Variants in NEIL3 observed in about 807,000 individuals in gnomAD.
NEIL3 encodes the protein nei like DNA glycosylase 3, also known as endonuclease 8-like 3.
In NEIL3, 48 loss-of-function variants were observed where a neutral mutation model predicts 57.5. The ratio of observed to expected loss-of-function variants is 0.83; its 90% CI spans 0.66 to 1.06. The LOEUF (loss-of-function observed/expected upper bound fraction) is 1.06. Among genes scored for constraint, NEIL3 ranks in the 50% least tolerant of loss-of-function variants. NEIL3 has a pLI of 0.00. For missense variants in NEIL3, 717 were observed against 739.1 expected (o/e 0.97, Z 0.35); for synonymous variants, 261 against 253.2 (o/e 1.03, Z -0.29).
At chr4:177,313,204 A>G (rs546699008) in intron 1 of NEIL3, among the ~76,000 whole-genome samples, 12 of 152,360 alleles carry the variant, frequency 7.9e-5, no homozygotes, top group Admixed American at 3.3e-4. Context: ...TAAAATATTT[A>G]AACCTCAGAT....
chr4:177,339,908 CT>C (rs1218709681), intron 5 of NEIL3, 51 bp downstream of exon 5: 1 of 1,272,206 alleles, frequency 7.9e-7, no homozygotes. Flanking sequence ...CAGTGGTTTC[CT>C]TTTGGAGTGC....
intron 8 of NEIL3, among the ~76,000 whole-genome samples, chr4:177,358,223 G>A (rs956706223): frequency 3.9e-5 from 6 of 152,272 alleles, no homozygotes; most frequent in South Asian, 2.1e-4. Flanking sequence ...AACAAGCTCC[G>A]GGTGATGCTG....
intron 4 of NEIL3, 28 bp from the exon 5 acceptor site, chr4:177,339,755 T>G: frequency 1.3e-6 from 2 of 1,498,830 alleles, no homozygotes; most frequent in East Asian, 4.5e-5. Flanking sequence ...GTCATGAAAC[T>G]AGGCTCTGCT....
At chr4:177,351,284 G>A (rs1735345641) in intron 6 of NEIL3, 96 bp from the exon 7 acceptor site, 2 of 615,688 alleles carry the variant, frequency 3.2e-6, no homozygotes, top group East Asian at 7.6e-5. Flanking sequence ...TAAAGAGATA[G>A]CATTGGGGTA....
At chr4:177,318,807 T>C (rs1192830262) in intron 1 of NEIL3, among the ~76,000 whole-genome samples, 1 of 152,128 alleles carries the variant, frequency 6.6e-6, no homozygotes, top group African/African-American at 2.4e-5. Flanking sequence ...TGCCTACTCT[T>C]TTTCTACTCT....
chr4:177,358,295 TTTG>T (rs1221653721), intron 8 of NEIL3, among the ~76,000 whole-genome samples: 2 of 151,888 alleles, frequency 1.3e-5, no homozygotes, highest in Non-Finnish European at 2.9e-5. Context: ...TGGCTATGTT[TTTG>T]TTGTTGTTTT....
chr4:177,324,230 C>T (rs1734737842), intron 2 of NEIL3, among the ~76,000 whole-genome samples: 1 of 152,232 alleles, frequency 6.6e-6, no homozygotes, highest in African/African-American at 2.4e-5. Context: ...TTGACTTCTG[C>T]CTCCCACCCA....
chr4:177,330,754 A>G lies in NEIL3; in HGVS notation c.279-4934A>G, dbSNP rs147695855. Among the ~76,000 whole-genome samples, 584 of 152,362 alleles carry G rather than the reference A, an allele frequency of 3.8e-3. 3 individuals carry two copies. The highest frequency in any genetic ancestry group is 0.013 in the African/African-American group (550 of 41,596). On this transcript the variant is annotated intron_variant, in intron 2 of 9. Transcript: ENST00000264596. ...TTAATAATGTATTTTATTAACCTAT[A>G]CAAAATATTTCAACATATAAACAAT...
chr4:177,319,580 T>C (rs2111114290), intron 1 of NEIL3, among the ~76,000 whole-genome samples: 1 of 152,248 alleles, frequency 6.6e-6, no homozygotes, highest in Admixed American at 6.5e-5. Context: ...CTATACCCAA[T>C]GTGTAGTCTT....
At chr4:177,313,028 G>A (rs1166454784) in intron 1 of NEIL3, among the ~76,000 whole-genome samples, 1 of 152,174 alleles carries the variant, frequency 6.6e-6, no homozygotes, top group Non-Finnish European at 1.5e-5. Context: ...TTATGCCAAA[G>A]AGTTAAAGCT....
chr4:177,332,230 T>A (rs1042477607), intron 2 of NEIL3, among the ~76,000 whole-genome samples: 2 of 152,164 alleles, frequency 1.3e-5, no homozygotes, highest in African/African-American at 4.8e-5. Flanking sequence ...GCTTCCTACC[T>A]CTTTTCTGGT....
intron 2 of NEIL3, among the ~76,000 whole-genome samples, chr4:177,327,673 G>A (rs7683105): frequency 0.026 from 4,020 of 152,218 alleles, 115 homozygotes; most frequent in African/African-American, 0.068. Flanking sequence ...TAGTAGTGGT[G>A]AGAGCAAATA....
intron 6 of NEIL3, among the ~76,000 whole-genome samples, chr4:177,346,406 C>T (rs957226954): frequency 3.3e-5 from 5 of 152,068 alleles, no homozygotes; most frequent in African/African-American, 1.2e-4. Context: ...TGGCCTCCAG[C>T]AATCCTCCTG....
At chr4:177,367,421 T>C (rs1735706426), downstream of NEIL3, among the ~76,000 whole-genome samples, 1 of 152,164 alleles carries the variant, frequency 6.6e-6, no homozygotes, top group East Asian at 1.9e-4. Context: ...TGGCTCCTTA[T>C]CAATCCCCAC....
chr4:177,326,261 C>T (rs1734778435), intron 2 of NEIL3, among the ~76,000 whole-genome samples: 2 of 151,952 alleles, frequency 1.3e-5, no homozygotes, highest in Non-Finnish European at 1.5e-5. Context: ...TGTCTTTTTG[C>T]GTGTGTATTT....
intron 3 of NEIL3, 110 bp from the exon 4 acceptor site, chr4:177,335,998 T>G: frequency 9.6e-7 from 1 of 1,040,946 alleles, no homozygotes; most frequent in Non-Finnish European, 1.4e-6. Flanking sequence ...CATATGTAAC[T>G]CTTATACCCT....
intron 6 of NEIL3, among the ~76,000 whole-genome samples, chr4:177,346,083 A>G (rs557144229): frequency 6.6e-6 from 1 of 152,288 alleles, no homozygotes; most frequent in Non-Finnish European, 1.5e-5. Flanking sequence ...TTGCCCCTAC[A>G]TATCTATTAC....
At chr4:177,338,617 G>A (rs1323132852) in intron 4 of NEIL3, among the ~76,000 whole-genome samples, 3 of 152,178 alleles carry the variant, frequency 2.0e-5, no homozygotes, top group South Asian at 2.1e-4. Context: ...TACCATTGAC[G>A]GCACATGTGC....
At chr4:177,318,049 C>T (rs1169440708) in intron 1 of NEIL3, among the ~76,000 whole-genome samples, 1 of 152,132 alleles carries the variant, frequency 6.6e-6, no homozygotes, top group Non-Finnish European at 1.5e-5. Flanking sequence ...TTATGAGGGA[C>T]GTTTCAGCCG....
Sources: allele counts gnomAD v4.1 joint callset (sites outside exome capture counted in the v4.1 genomes callset), GRCh38; gene constraint gnomAD v4.1.1; transcripts MANE v1.5; gene names NCBI Gene and HGNC (gene_info 2026-07-23, HGNC 2026-07-21).